Variants in ST6GAL2 observed in about 807,000 individuals in gnomAD.
The protein encoded by ST6GAL2 is beta-galactoside alpha-2,6-sialyltransferase 2.
ST6GAL2 carries 24 observed loss-of-function variants against 37.5 expected under a neutral mutation model. The observed-to-expected ratio is 0.64, with a 90% CI of 0.46 to 0.90. ST6GAL2 has a LOEUF of 0.90. ST6GAL2 is among the 40% of genes least tolerant of loss of function. ST6GAL2 has a pLI of 0.00. For missense variants in ST6GAL2, 715 were observed against 712.7 expected (o/e 1.00, Z -0.04); for synonymous variants, 306 against 295.1 (o/e 1.04, Z -0.38).
At chr2:106,818,735 A>C (rs1168843990) in intron 5 of ST6GAL2, among the ~76,000 whole-genome samples, 1 of 152,150 alleles carries the variant, frequency 6.6e-6, no homozygotes, top group Non-Finnish European at 1.5e-5. Flanking sequence ...TCATCAAACA[A>C]ATTAAATAGG....
intron 1 of ST6GAL2, among the ~76,000 whole-genome samples, chr2:106,850,384 AAAG>A (rs1446044335): frequency 6.6e-6 from 1 of 152,170 alleles, no homozygotes; most frequent in African/African-American, 2.4e-5. Context: ...ATTACAATGC[AAAG>A]AATGAAGACT....
At position 106,843,227 on chromosome 2, in the gene ST6GAL2, G is replaced by A. The variant is rs1264549070; in HGVS notation, c.751C>T (p.Leu251=). ...GCGCGGCTCCGCAGCTGGCACAGCA[G>A]CTGTGCCCTGCTCAGCCCGGCCTCC... The part of the protein sequence containing the change: ...KREAGLSRAQ[L]LCQLRSRARV... The change falls in exon 2 of 6, where the codon CTG becomes TTG. Residue 251 remains leucine (L), a synonymous_variant. Coordinates refer to ENST00000409382, the MANE Select transcript of ST6GAL2 (RefSeq NM_001142351.2). 4 of 1,574,046 alleles carry A rather than the reference G, an allele frequency of 2.5e-6. No individual in the cohort carries two copies. The highest frequency in any genetic ancestry group is 1.3e-5 in the African/African-American group (1 of 74,170).
rs930452188 is a variant in ST6GAL2, at chr2:106,803,631, A to G, written c.*3047T>C. Reference sequence around the variant, plus strand: ...TCTTTGTAACAACAACAACAACAACAACAACAACAACAACAACAACAACAA... The same window carrying G: ...TCTTTGTAACAACAACAACAACAACGACAACAACAACAACAACAACAACAA... On this transcript the variant is annotated 3_prime_UTR_variant, in exon 6 of 6. Transcript: ENST00000409382. The G allele has an allele frequency of 5.9e-5, 9 of 152,026 alleles. No homozygotes were observed. The highest frequency in any genetic ancestry group is 1.3e-4 in the Non-Finnish European group (9 of 68,012). 9.4% of individuals were successfully genotyped at this position (152,026 alleles called of 1,614,324 possible).
At chr2:106,878,983 C>A (rs1221262397) in intron 1 of ST6GAL2, among the ~76,000 whole-genome samples, 2 of 152,186 alleles carry the variant, frequency 1.3e-5, no homozygotes, top group Admixed American at 6.5e-5. Context: ...TGATTATACT[C>A]ATGGGCTTCC....
intron 1 of ST6GAL2, among the ~76,000 whole-genome samples, chr2:106,856,484 C>T (rs575540351): frequency 1.3e-5 from 2 of 152,302 alleles, no homozygotes; most frequent in East Asian, 3.9e-4. Flanking sequence ...CAAATTGTTG[C>T]TCATCTCCAG....
chr2:106,876,745 G>T (rs1029541467), intron 1 of ST6GAL2, among the ~76,000 whole-genome samples: 2 of 152,150 alleles, frequency 1.3e-5, no homozygotes, highest in Admixed American at 1.3e-4. Flanking sequence ...ACTGGCAAAA[G>T]ATTTAATAAT....
At chr2:106,831,476 A>G (rs1170453388) in intron 4 of ST6GAL2, among the ~76,000 whole-genome samples, 1 of 152,238 alleles carries the variant, frequency 6.6e-6, no homozygotes, top group Non-Finnish European at 1.5e-5. Context: ...CTCAGGCTGG[A>G]AAGGAAGTTG....
intron 5 of ST6GAL2, among the ~76,000 whole-genome samples, chr2:106,821,590 T>A (rs1676005790): frequency 6.6e-6 from 1 of 151,856 alleles, no homozygotes; most frequent in African/African-American, 2.4e-5. Flanking sequence ...TACCAAACAT[T>A]TAAAGAAGAA....
Position 106,875,588 on chromosome 2 carries a change from G to A in ST6GAL2, c.-58+10505C>T, listed in dbSNP as rs114707900. Among the ~76,000 whole-genome samples, 1,174 of 152,296 alleles carry A rather than the reference G, an allele frequency of 7.7e-3. 15 individuals are homozygous for A. The highest frequency in any genetic ancestry group is 0.026 in the African/African-American group (1,065 of 41,542). On this transcript the variant is annotated intron_variant, in intron 1 of 5. Transcript: ENST00000409382. ...TACAGACCAGCAACTGATGGGGTAC[G>A]GGAAAGGCCTGGATTGGGTTTTTAT...
At chr2:106,869,070 A>G (rs956265865) in intron 1 of ST6GAL2, among the ~76,000 whole-genome samples, 1 of 152,016 alleles carries the variant, frequency 6.6e-6, no homozygotes. Context: ...AAGGCAAATG[A>G]GATGAGCTCC....
intron 5 of ST6GAL2, among the ~76,000 whole-genome samples, chr2:106,821,270 C>T (rs1675993312): frequency 1.3e-5 from 2 of 151,112 alleles, no homozygotes; most frequent in Admixed American, 1.3e-4. Context: ...AAAGAAGACC[C>T]AGATAAATAA....
intron 5 of ST6GAL2, among the ~76,000 whole-genome samples, chr2:106,816,274 T>C (rs1212491731): frequency 3.3e-5 from 5 of 152,186 alleles, no homozygotes; most frequent in Non-Finnish European, 5.9e-5. Flanking sequence ...TGAGGATAAA[T>C]AGTAATTCTA....
At chr2:106,855,679 T>A (rs1677547410) in intron 1 of ST6GAL2, among the ~76,000 whole-genome samples, 1 of 152,200 alleles carries the variant, frequency 6.6e-6, no homozygotes, top group Admixed American at 6.5e-5. Context: ...TTAGTTTTTC[T>A]ATTTTACCAC....
rs769865559 is a variant in ST6GAL2 at position 106,834,082 on chromosome 2, C to T, written c.1008G>A (p.Gly336=). 4 of 1,613,718 alleles carry T rather than the reference C, an allele frequency of 2.5e-6. No homozygotes were observed. The highest frequency in any genetic ancestry group is 2.5e-6 in the Non-Finnish European group (3 of 1,179,768). ...TAATGATGCGTATGGTGGTTTTATT[C>T]CCAACATCTTTCTCATAACCACGTG... ...APTRGYEKDV[G]NKTTIRIINS... Residue 336 remains glycine (G), a synonymous_variant, in exon 3 of 6, where the codon GGG becomes GGA. Coordinates refer to ENST00000409382, the MANE Select transcript of ST6GAL2 (RefSeq NM_001142351.2).
chr2:106,873,184 C>T (rs770431937), intron 1 of ST6GAL2, among the ~76,000 whole-genome samples: 19 of 152,246 alleles, frequency 1.2e-4, no homozygotes, highest in South Asian at 2.1e-4. Context: ...CTGCAGGGAG[C>T]GATGGCAGAA....
At chr2:106,877,205 G>A (rs973630603) in intron 1 of ST6GAL2, among the ~76,000 whole-genome samples, 1 of 152,186 alleles carries the variant, frequency 6.6e-6, no homozygotes, top group African/African-American at 2.4e-5. Context: ...TGATTTTCAA[G>A]TTGGGGATAT....
At chr2:106,816,947 A>G (rs996918043) in intron 5 of ST6GAL2, among the ~76,000 whole-genome samples, 3 of 152,052 alleles carry the variant, frequency 2.0e-5, no homozygotes, top group Non-Finnish European at 4.4e-5. Flanking sequence ...TTGCAATGGA[A>G]CTCGGGGCTG....
chr2:106,812,776 T>C (rs1675658638), intron 5 of ST6GAL2, among the ~76,000 whole-genome samples: 2 of 152,254 alleles, frequency 1.3e-5, no homozygotes, highest in African/African-American at 4.8e-5. Context: ...AAAAATGTTA[T>C]TGATTCTTTT....
chr2:106,832,995 A>T lies in ST6GAL2; in HGVS notation c.1042-329T>A, dbSNP rs76421732. 6.6e-5 allele frequency among the ~76,000 whole-genome samples: 10 copies of T among 152,258 alleles called. No homozygotes were observed. The East Asian group carries it at 1.9e-3, about 29-fold the overall frequency. ...CAACCTCTTCTACAATTGCCTTCAC[A>T]TGTAATTTGGAGACAGAGTTGCAGG... On this transcript the variant is annotated intron_variant, in intron 3 of 5. Coordinates refer to ENST00000409382, the MANE Select transcript of ST6GAL2 (RefSeq NM_001142351.2).
Sources: allele counts gnomAD v4.1 joint callset (sites outside exome capture counted in the v4.1 genomes callset), GRCh38; gene constraint gnomAD v4.1.1; transcripts MANE v1.5; gene names NCBI Gene and HGNC (gene_info 2026-07-23, HGNC 2026-07-21).